CAV1: variants seen among roughly 807,000 people sequenced by gnomAD.
CAV1 encodes the protein caveolin 1, also known as caveolin-1.
A neutral mutation model predicts 16.5 loss-of-function variants in CAV1; 10 were observed. That is an observed-to-expected ratio of 0.61 (90% CI 0.37 to 1.03). The LOEUF is 1.03. Among genes scored for constraint, CAV1 ranks in the 50% least tolerant of loss-of-function variants. The pLI, the probability that CAV1 is intolerant of heterozygous loss-of-function variation, is 0.01. For synonymous variants in CAV1, 76 were observed against 85.1 expected (o/e 0.89, Z 0.59); for missense variants, 212 against 232.8 (o/e 0.91, Z 0.58).
At chr7:116,546,363 C>T (rs890232185) in intron 2 of CAV1, among the ~76,000 whole-genome samples, 6 of 151,956 alleles carry the variant, frequency 3.9e-5, no homozygotes, top group African/African-American at 7.3e-5. Flanking sequence ...GTCTGCAGTG[C>T]GGTTTTAGAT....
At position 116,534,642 on chromosome 7, in the gene CAV1, C is replaced by T. The variant is rs576380568; in HGVS notation, c.195+7953C>T. On this transcript the variant is annotated intron_variant, in intron 2 of 2. Coordinates refer to ENST00000341049, the MANE Select transcript of CAV1 (RefSeq NM_001753.5). ...GTCTCAATCTCCTGACCTTGTGATC[C>T]GCTCGCCTCGGCCTCTCAAAGTGCT... is the stretch of plus-strand genomic sequence containing the variant. Among the ~76,000 whole-genome samples, 10 of 151,340 alleles carry T rather than the reference C, an allele frequency of 6.6e-5. No homozygotes were observed. In the South Asian group the frequency reaches 1.0e-3, roughly 16 times the overall value.
At chr7:116,558,867 G>A in intron 2 of CAV1, 79 bp from the exon 3 acceptor site, 1 of 1,053,920 alleles carries the variant, frequency 9.5e-7, no homozygotes, top group Non-Finnish European at 1.4e-6. Flanking sequence ...TACAGTATAT[G>A]TCTATGGATA....
At chr7:116,553,336 GTTAA>G (rs1327075973) in intron 2 of CAV1, among the ~76,000 whole-genome samples, 1 of 151,782 alleles carries the variant, frequency 6.6e-6, no homozygotes, top group Non-Finnish European at 1.5e-5. Context: ...CTTGATTTGT[GTTAA>G]CTCATGTTTC....
chr7:116,552,197 G>C (rs965947660), intron 2 of CAV1, among the ~76,000 whole-genome samples: 3 of 152,114 alleles, frequency 2.0e-5, no homozygotes, highest in African/African-American at 7.2e-5. Context: ...GCTGTCTATC[G>C]CATCTAAGTG....
chr7:116,536,406 T>C (rs1178730659), intron 2 of CAV1, among the ~76,000 whole-genome samples: 1 of 152,104 alleles, frequency 6.6e-6, no homozygotes. Context: ...AACAGACATG[T>C]AAACAAACCT....
chr7:116,546,392 T>G (rs868695306), intron 2 of CAV1, among the ~76,000 whole-genome samples: 27 of 151,988 alleles, frequency 1.8e-4, no homozygotes, highest in African/African-American at 6.5e-4. Context: ...GGGAACCCCA[T>G]AAAAAAGAAT....
intron 2 of CAV1, among the ~76,000 whole-genome samples, chr7:116,534,374 T>G (rs1562829851): frequency 1.1e-3 from 17 of 14,890 alleles, no homozygotes; most frequent in Middle Eastern, 0.018. Context: ...TATATATATA[T>G]ATATATATAT....
chr7:116,525,198 C>G lies in CAV1; in HGVS notation c.30+106C>G, dbSNP rs575971864. ...TGCTGCCCTGGCCCCAGCCCTCTCTCCACTTCGGAGCACTCCTCTGGCGTT... is the reference window on the plus strand; with the variant it reads ...TGCTGCCCTGGCCCCAGCCCTCTCTGCACTTCGGAGCACTCCTCTGGCGTT... On this transcript the variant is annotated intron_variant, in intron 1 of 2. Transcript: ENST00000341049. The G allele has an allele frequency of 3.7e-6, 6 of 1,613,734 alleles. No homozygotes were observed. The East Asian group carries it at 1.3e-4, about 36-fold the overall frequency.
At chr7:116,538,697 A>G (rs530086686) in intron 2 of CAV1, among the ~76,000 whole-genome samples, 1 of 152,360 alleles carries the variant, frequency 6.6e-6, no homozygotes, top group Non-Finnish European at 1.5e-5. Context: ...AAAGGGCATT[A>G]TATTAGTCTG....
chr7:116,543,703 A>T (rs1250476729), intron 2 of CAV1, among the ~76,000 whole-genome samples: 1 of 152,220 alleles, frequency 6.6e-6, no homozygotes, highest in Non-Finnish European at 1.5e-5. Flanking sequence ...AATTACTTGC[A>T]ACTTTAGTTA....
Position 116,530,208 on chromosome 7 carries a change from C to CTTTTTTTTTTTTTTTTTTTTTTT in CAV1, c.195+3532_195+3533insTTTTTTTTTTTTTTTTTTTTTTT, listed in dbSNP as rs3030806. Among the ~76,000 whole-genome samples the CTTTTTTTTTTTTTTTTTTTTTTT allele has an allele frequency of 7.7e-4, 96 of 125,342 alleles. 1 individual carries two copies. The highest frequency in any genetic ancestry group is 1.1e-3 in the Non-Finnish European group (68 of 61,742). The allele number at this position is 125,342 out of a possible 152,430, so 82.2% of individuals were successfully genotyped here. ...CATGGAAACTGATTGGTCCTTTTTC[C>CTTTTTTTTTTTTTTTTTTTTTTT]TTTTTTTTTTTTTGCCTTGACTGCC... is the stretch of plus-strand genomic sequence containing the variant. On this transcript the variant is annotated intron_variant, in intron 2 of 2. Transcript: ENST00000341049.
intron 2 of CAV1, among the ~76,000 whole-genome samples, chr7:116,549,658 G>A (rs1794119378): frequency 6.6e-6 from 1 of 152,212 alleles, no homozygotes; most frequent in South Asian, 2.1e-4. Context: ...GTATCAAAGT[G>A]TGCTTGTAAT....
intron 2 of CAV1, among the ~76,000 whole-genome samples, chr7:116,529,764 G>C (rs1793645112): frequency 6.6e-6 from 1 of 152,134 alleles, no homozygotes; most frequent in African/African-American, 2.4e-5. Context: ...AAAGCTTGCT[G>C]CTCCACATTA....
intron 2 of CAV1, among the ~76,000 whole-genome samples, chr7:116,553,473 G>C (rs1303008245): frequency 1.3e-5 from 2 of 152,000 alleles, no homozygotes; most frequent in African/African-American, 4.8e-5. Context: ...TATCACTGAA[G>C]TGCATTTATG....
At chr7:116,536,570 T>G (rs1312245578) in intron 2 of CAV1, among the ~76,000 whole-genome samples, 1 of 152,166 alleles carries the variant, frequency 6.6e-6, no homozygotes, top group Admixed American at 6.5e-5. Flanking sequence ...CGTGGCCTGT[T>G]CTGGGCACCA....
At chr7:116,537,774 A>G (rs2115998095) in intron 2 of CAV1, among the ~76,000 whole-genome samples, 1 of 152,240 alleles carries the variant, frequency 6.6e-6, no homozygotes, top group Non-Finnish European at 1.5e-5. Context: ...GATCTTGGCA[A>G]GTGGTTTGAG....
intron 1 of CAV1, chr7:116,525,436 C>A: frequency 7.1e-7 from 1 of 1,412,652 alleles, no homozygotes; most frequent in Non-Finnish European, 9.3e-7. Context: ...CGGTCCGGCC[C>A]TGCCTGCTGG....
intron 2 of CAV1, 114 bp downstream of exon 2, chr7:116,526,803 C>T (rs1385337979): frequency 3.4e-6 from 4 of 1,176,536 alleles, no homozygotes; most frequent in African/African-American, 3.0e-5. Flanking sequence ...CCCCTACACG[C>T]GCACACACAC....
intron 2 of CAV1, among the ~76,000 whole-genome samples, chr7:116,538,494 C>G (rs1543293): frequency 0.78 from 119,028 of 152,210 alleles, 47,555 homozygotes; most frequent in East Asian, 0.95. Flanking sequence ...GATTTCACCA[C>G]TAATTATTTT....
Sources: gnomAD v4.1 joint callset for allele counts (sites outside exome capture counted in the v4.1 genomes callset) on GRCh38, gnomAD v4.1.1 for gene constraint, MANE v1.5 for transcripts, NCBI Gene and HGNC (gene_info 2026-07-23, HGNC 2026-07-21) for gene names.